The following LRRFIP2 variants were observed in gnomAD, a reference collection of about 807,000 sequenced individuals.
LRRFIP2 encodes LRR binding FLII interacting protein 2.
A neutral mutation model predicts 125.9 loss-of-function variants in LRRFIP2; 109 were observed. The ratio of observed to expected loss-of-function variants is 0.87; its 90% CI spans 0.74 to 1.01. The LOEUF (loss-of-function observed/expected upper bound fraction) is 1.01, where lower values mean the gene tolerates loss of function less well. Among genes scored for constraint, LRRFIP2 ranks in the 50% least tolerant of loss-of-function variants. The pLI is 0.00. For missense variants in LRRFIP2, 850 were observed against 862.3 expected (o/e 0.99, Z 0.18); for synonymous variants, 291 against 293.1 (o/e 0.99, Z 0.07).
intron 25 of LRRFIP2, among the ~76,000 whole-genome samples, chr3:37,056,447 G>A (rs566742931): frequency 1.8e-4 from 27 of 146,550 alleles, no homozygotes; most frequent in Admixed American, 7.2e-4. Flanking sequence ...TCTTCAATGT[G>A]AGAGGTTTTT....
At chr3:37,148,020 G>A (rs1247134874) in intron 2 of LRRFIP2, among the ~76,000 whole-genome samples, 1 of 152,034 alleles carries the variant, frequency 6.6e-6, no homozygotes, top group African/African-American at 2.4e-5. Flanking sequence ...ATAAAACACT[G>A]AATCTGAACC....
chr3:37,158,579 C>T (rs1240266649), intron 1 of LRRFIP2, among the ~76,000 whole-genome samples: 1 of 150,498 alleles, frequency 6.6e-6, no homozygotes, highest in South Asian at 2.1e-4. Context: ...TGCACTCCAG[C>T]CTGGGTAACA....
In LRRFIP2 at chr3:37,065,884, G is replaced by C. The variant is rs190087179; in HGVS notation, c.1625C>G (p.Pro542Arg). 6.2e-7 allele frequency: 1 copy of C among 1,614,158 alleles called. No homozygotes were observed. Among genetic ancestry groups the C allele is most frequent in the East Asian group, 2.2e-5 (1 of 44,876 alleles). Reference protein sequence around the residue: ...GTPNGDVSHEPVAGAITVVSQ... With the variant: ...GTPNGDVSHERVAGAITVVSQ... The stretch of plus-strand genomic sequence containing the variant: ...CACAACAGTGATGGCTCCAGCCACT[G>C]GTTCATGACTGACATCACCATTGGG... The change falls in exon 23 of 28, where the codon CCA (proline) becomes CGA (arginine). Residue 542 changes from proline (P) to arginine (R), a missense_variant. Transcript: ENST00000336686.
chr3:37,148,751 A>G, intron 2 of LRRFIP2, 143 bp downstream of exon 2: 1 of 756,126 alleles, frequency 1.3e-6, no homozygotes, highest in Non-Finnish European at 2.1e-6. Context: ...CTAACACACT[A>G]TTTTAGAGAC....
Position 37,103,008 on chromosome 3 carries a change from A to G in LRRFIP2, c.789T>C (p.Ser263=), listed in dbSNP as rs1388020536. ...ASRGRRESVV[S]AADYFSRSNR... ...TGGAGCGACTGAAATAATCAGCGGC[A>G]GATACCTTTCGGTCAGAAAAAAAAC... The change falls in exon 15 of 28, where the codon TCT becomes TCC. Residue 263 remains serine, a synonymous_variant. Coordinates refer to ENST00000336686, the MANE Select transcript of LRRFIP2 (RefSeq NM_006309.4). The G allele has an allele frequency of 6.4e-7, 1 of 1,559,196 alleles. No homozygotes were observed. The highest frequency in any genetic ancestry group is 1.9e-5 in the Admixed American group (1 of 51,938).
At chr3:37,143,284 T>C (rs1217240793) in intron 2 of LRRFIP2, among the ~76,000 whole-genome samples, 1 of 152,254 alleles carries the variant, frequency 6.6e-6, no homozygotes. Flanking sequence ...AAATACGTTT[T>C]CTTGCTGTCT....
At chr3:37,141,469 T>C (rs751183669) in intron 2 of LRRFIP2, among the ~76,000 whole-genome samples, 4 of 152,224 alleles carry the variant, frequency 2.6e-5, no homozygotes, top group Non-Finnish European at 5.9e-5. Flanking sequence ...TCTATAGAGC[T>C]CTTAGAAGGC....
intron 2 of LRRFIP2, among the ~76,000 whole-genome samples, chr3:37,138,807 TA>T (rs2095621668): frequency 6.6e-6 from 1 of 152,256 alleles, no homozygotes; most frequent in Non-Finnish European, 1.5e-5. Flanking sequence ...GATGTGTTCA[TA>T]CCACAGATCT....
rs772340221 is a variant in LRRFIP2, at chr3:37,121,721, A to C, written c.229-30T>G. On this transcript the variant is annotated intron_variant, in intron 4 of 27. Transcript: ENST00000336686. ...GAAAGGAGAAAGTACATGGAGAGTT[A>C]ATCACTGAATAGACAGTTGTTTATC... The C allele has an allele frequency of 3.7e-6, 6 of 1,602,540 alleles. No individual in the cohort carries two copies. The South Asian group carries it at 6.6e-5, about 18-fold the overall frequency.
intron 2 of LRRFIP2, among the ~76,000 whole-genome samples, chr3:37,139,927 T>A (rs2095650234): frequency 6.6e-6 from 1 of 152,222 alleles, no homozygotes; most frequent in South Asian, 2.1e-4. Flanking sequence ...TCTGCTCATA[T>A]CACCTTATTG....
rs983731045 is a variant in LRRFIP2 at position 37,152,690 on chromosome 3, G to A, written c.-55-3652C>T. 3.3e-5 allele frequency among the ~76,000 whole-genome samples: 5 copies of A among 152,200 alleles called. No homozygotes were observed. The South Asian group carries it at 8.3e-4, about 25-fold the overall frequency. ...ACTCCTGACCTCAGGTGATCCGCCCGCCTCAGCCTTCCAAAGTGCTAGGAT... is the reference window on the plus strand; with the variant it reads ...ACTCCTGACCTCAGGTGATCCGCCCACCTCAGCCTTCCAAAGTGCTAGGAT... On this transcript the variant is annotated intron_variant, in intron 1 of 27. Transcript: ENST00000336686.
Position 37,133,346 on chromosome 3 carries a change from T to C in LRRFIP2, c.91-4197A>G, listed in dbSNP as rs187477539. ...GGAAAGCAGAGACAACATATATTTA[T>C]ATACCAATGTTCATAGCAGCATTAT... is the stretch of plus-strand genomic sequence containing the variant. On this transcript the variant is annotated intron_variant, in intron 2 of 27. Coordinates refer to ENST00000336686, the MANE Select transcript of LRRFIP2 (RefSeq NM_006309.4). Among the ~76,000 whole-genome samples, 7 of 152,360 alleles carry C rather than the reference T, an allele frequency of 4.6e-5. No individual in the cohort carries two copies. The East Asian group carries it at 1.3e-3, about 29-fold the overall frequency.
chr3:37,162,180 AG>A (rs1455076543), intron 1 of LRRFIP2, among the ~76,000 whole-genome samples: 4 of 143,702 alleles, frequency 2.8e-5, no homozygotes, highest in African/African-American at 1.0e-4. Flanking sequence ...AAAAAAAAGA[AG>A]AGAGAGAGAG....
chr3:37,096,550 TGAA>T, intron 16 of LRRFIP2, 63 bp downstream of exon 16: 1 of 975,864 alleles, frequency 1.0e-6, no homozygotes, highest in South Asian at 1.4e-5. Context: ...AAATAAATAA[TGAA>T]CAAGTTACAG....
At chr3:37,124,577 T>C (rs190740176) in intron 4 of LRRFIP2, among the ~76,000 whole-genome samples, 3 of 152,266 alleles carry the variant, frequency 2.0e-5, no homozygotes, top group Admixed American at 2.0e-4. Context: ...GATCATCTAG[T>C]CTGACCCCTT....
intron 1 of LRRFIP2, among the ~76,000 whole-genome samples, chr3:37,153,980 C>A: frequency 7.0e-6 from 1 of 143,050 alleles, no homozygotes; most frequent in African/African-American, 2.6e-5. Context: ...GAAAAATGAC[C>A]AGACTAGGCA....
intron 15 of LRRFIP2, among the ~76,000 whole-genome samples, chr3:37,097,427 G>A (rs879435335): frequency 1.3e-5 from 2 of 151,992 alleles, no homozygotes; most frequent in African/African-American, 2.4e-5. Context: ...CTGACACTAC[G>A]GTATTTATCC....
upstream of LRRFIP2, chr3:37,175,818 C>T (rs988769221): frequency 1.3e-5 from 2 of 152,206 alleles, no homozygotes; most frequent in African/African-American, 4.8e-5. Flanking sequence ...TAACACGTAC[C>T]TTTTCCCCAG....
At chr3:37,131,678 C>G (rs116283183) in intron 2 of LRRFIP2, among the ~76,000 whole-genome samples, 2 of 152,228 alleles carry the variant, frequency 1.3e-5, no homozygotes, top group African/African-American at 2.4e-5. Flanking sequence ...AGAATAAACT[C>G]AACCAATGTT....
Sources: allele counts gnomAD v4.1 joint callset (sites outside exome capture counted in the v4.1 genomes callset), GRCh38; gene constraint gnomAD v4.1.1; transcripts MANE v1.5; gene names NCBI Gene and HGNC (gene_info 2026-07-23, HGNC 2026-07-21).